The following C2orf76 variants were observed in gnomAD, a reference collection of about 807,000 sequenced individuals.
C2orf76 encodes UPF0538 protein C2orf76.
In C2orf76, 23 loss-of-function variants were observed where a neutral mutation model predicts 16.9. That is an observed-to-expected ratio of 1.36 (90% CI 0.98 to 1.93). The LOEUF is 1.93. Ranked by LOEUF, C2orf76 falls within the 30% of genes most tolerant of loss-of-function variation. The pLI, the probability that C2orf76 is intolerant of heterozygous loss-of-function variation, is 0.00. For missense variants in C2orf76, 152 were observed against 152.6 expected (o/e 1.00, Z 0.02); for synonymous variants, 48 against 52.3 (o/e 0.92, Z 0.35).
intron 2 of C2orf76, among the ~76,000 whole-genome samples, chr2:119,323,355 T>C (rs1679408371): frequency 2.0e-5 from 3 of 152,092 alleles, no homozygotes. Flanking sequence ...TTTTTCAAGA[T>C]CAAATACGTA....
At chr2:119,323,175 C>T (rs1250538954) in intron 2 of C2orf76, among the ~76,000 whole-genome samples, 1 of 148,262 alleles carries the variant, frequency 6.7e-6, no homozygotes, top group Non-Finnish European at 1.5e-5. Context: ...CAGCACCATG[C>T]CCATAGTCCC....
chr2:119,327,016 C>T (rs1019384516), intron 2 of C2orf76, among the ~76,000 whole-genome samples: 2 of 152,148 alleles, frequency 1.3e-5, no homozygotes, highest in Admixed American at 6.6e-5. Flanking sequence ...GACAGTTTCA[C>T]GTCCTCCTTT....
chr2:119,351,822 A>G (rs1426383155), intron 1 of C2orf76, among the ~76,000 whole-genome samples: 1 of 152,204 alleles, frequency 6.6e-6, no homozygotes, highest in Non-Finnish European at 1.5e-5. Context: ...GAGTGACTCA[A>G]AATTTTCACT....
rs923418792 is a variant in C2orf76, at chr2:119,332,261, G to C, written c.133+7566C>G. ...GCTGGATCTACATTAGAAGACCTTT[G>C]AGAAAGCATAAACACCTAAAGGAAA... On this transcript the variant is annotated intron_variant, in intron 2 of 5. Transcript: ENST00000334816. Among the ~76,000 whole-genome samples the C allele has an allele frequency of 2.7e-5, 4 of 147,704 alleles. No individual in the cohort carries two copies. The East Asian group carries it at 5.9e-4, about 22-fold the overall frequency.
chr2:119,321,411 T>C, intron 2 of C2orf76, among the ~76,000 whole-genome samples: 1 of 152,186 alleles, frequency 6.6e-6, no homozygotes, highest in South Asian at 2.1e-4. Flanking sequence ...CAAGACTAGG[T>C]AATCTATTAA....
At chr2:119,340,051 G>C in intron 1 of C2orf76, 80 bp from the exon 2 acceptor site, 1 of 1,466,688 alleles carries the variant, frequency 6.8e-7, no homozygotes, top group Middle Eastern at 1.8e-4. Context: ...ATCTCTATCA[G>C]CTCTCTGGCA....
At chr2:119,355,257 T>C (rs1356133842) in intron 1 of C2orf76, among the ~76,000 whole-genome samples, 24 of 152,262 alleles carry the variant, frequency 1.6e-4, no homozygotes, top group Admixed American at 1.4e-3. Context: ...GTACTGTGTG[T>C]TGGGAGACAT....
chr2:119,300,636 T>C (rs1678603480), downstream of C2orf76, among the ~76,000 whole-genome samples: 2 of 152,206 alleles, frequency 1.3e-5, no homozygotes, highest in Non-Finnish European at 2.9e-5. Context: ...AAGTGAAAAA[T>C]GCATTTAATA....
At chr2:119,334,215 G>A (rs1679765750) in intron 2 of C2orf76, among the ~76,000 whole-genome samples, 1 of 152,044 alleles carries the variant, frequency 6.6e-6, no homozygotes, top group Non-Finnish European at 1.5e-5. Flanking sequence ...GTTGCCAAGG[G>A]TGCAGCATGG....
intron 1 of C2orf76, chr2:119,366,520 T>C: frequency 2.1e-6 from 1 of 471,308 alleles, no homozygotes; most frequent in Non-Finnish European, 4.4e-6. Context: ...TCAGGGACCA[T>C]CTCCGGGGGT....
chr2:119,284,423 C>T, the C2orf76 span, among the ~76,000 whole-genome samples: 4 of 152,190 alleles, frequency 2.6e-5, no homozygotes, highest in African/African-American at 9.7e-5. Flanking sequence ...AAAACTTCTC[C>T]ACAGCAGGTC....
intron 2 of C2orf76, among the ~76,000 whole-genome samples, chr2:119,339,404 A>T (rs1164438081): frequency 6.6e-6 from 1 of 152,198 alleles, no homozygotes; most frequent in East Asian, 1.9e-4. Context: ...AGCAGCTCTC[A>T]TGACTTCCTG....
intron 1 of C2orf76, among the ~76,000 whole-genome samples, chr2:119,355,263 G>A (rs550899541): frequency 6.6e-6 from 1 of 152,330 alleles, no homozygotes; most frequent in East Asian, 1.9e-4. Context: ...TGTGTTGGGA[G>A]ACATTTCTCC....
intron 4 of C2orf76, among the ~76,000 whole-genome samples, chr2:119,316,263 G>A (rs546513980): frequency 5.9e-5 from 9 of 152,232 alleles, no homozygotes; most frequent in African/African-American, 2.2e-4. Context: ...CAATCAAAAG[G>A]GCAGATTCCA....
chr2:119,356,983 G>A (rs531264946), intron 1 of C2orf76, among the ~76,000 whole-genome samples: 33 of 151,754 alleles, frequency 2.2e-4, no homozygotes, highest in African/African-American at 7.0e-4. Context: ...TAACTATTAA[G>A]GAAATTAAAT....
intron 1 of C2orf76, among the ~76,000 whole-genome samples, chr2:119,349,171 T>C (rs1043368956): frequency 1.3e-5 from 2 of 152,246 alleles, no homozygotes; most frequent in African/African-American, 2.4e-5. Flanking sequence ...TTGTTTTATA[T>C]ACTTTTTAAT....
intron 2 of C2orf76, among the ~76,000 whole-genome samples, chr2:119,331,835 T>C (rs1395572998): frequency 6.6e-6 from 1 of 152,232 alleles, no homozygotes; most frequent in Non-Finnish European, 1.5e-5. Flanking sequence ...GTTTATGACG[T>C]ATCTATTATA....
chr2:119,362,008 G>A (rs888330608), intron 1 of C2orf76, among the ~76,000 whole-genome samples: 2 of 152,006 alleles, frequency 1.3e-5, no homozygotes, highest in African/African-American at 4.8e-5. Context: ...GTGGCGTTTT[G>A]AACAATAGGA....
chr2:119,366,559 TC>T (rs755178797), intron 1 of C2orf76: 40 of 461,812 alleles, frequency 8.7e-5, no homozygotes, highest in Non-Finnish European at 1.8e-5. Flanking sequence ...GAGGAGCGGG[TC>T]CCGCCCGCCA....
Sources: allele counts gnomAD v4.1 joint callset (sites outside exome capture counted in the v4.1 genomes callset), GRCh38; gene constraint gnomAD v4.1.1; transcripts MANE v1.5; gene names NCBI Gene and HGNC (gene_info 2026-07-23, HGNC 2026-07-21).